The following PABPC4L variants were observed in gnomAD, a reference collection of about 807,000 sequenced individuals.
The protein encoded by PABPC4L is polyadenylate-binding protein 4-like.
For missense variants in PABPC4L, 452 were observed against 451.4 expected, an observed-to-expected ratio of 1.00 and a Z score of -0.01; for synonymous variants, 169 against 164.1, an observed-to-expected ratio of 1.03 and a Z score of -0.23.
chr4:134,079,073 G>C, the PABPC4L span, among the ~76,000 whole-genome samples: 4 of 147,892 alleles, frequency 2.7e-5, no homozygotes, highest in South Asian at 4.4e-4. Flanking sequence ...CTGTGTTCAA[G>C]CGATTCTTCT....
At chr4:134,026,830 T>C in the PABPC4L span, among the ~76,000 whole-genome samples, 1 of 152,046 alleles carries the variant, frequency 6.6e-6, no homozygotes. Context: ...AAAACAGAGG[T>C]CTACGAGCCA....
At chr4:134,085,334 A>G in the PABPC4L span, among the ~76,000 whole-genome samples, 1 of 152,158 alleles carries the variant, frequency 6.6e-6, no homozygotes, top group African/African-American at 2.4e-5. Flanking sequence ...TATATATCAT[A>G]TGTACATGTA....
the PABPC4L span, among the ~76,000 whole-genome samples, chr4:134,187,345 A>G: frequency 6.6e-6 from 1 of 152,040 alleles, no homozygotes; most frequent in African/African-American, 2.4e-5. Context: ...CATATACACC[A>G]TGGAATACTA....
At chr4:134,014,939 T>C in the PABPC4L span, among the ~76,000 whole-genome samples, 1 of 152,062 alleles carries the variant, frequency 6.6e-6, no homozygotes, top group African/African-American at 2.4e-5. Context: ...CTTATTAGGC[T>C]GAGACACTTT....
chr4:134,156,727 A>G, the PABPC4L span, among the ~76,000 whole-genome samples: 2 of 151,850 alleles, frequency 1.3e-5, no homozygotes, highest in Non-Finnish European at 3.0e-5. Context: ...GCATTTGTAT[A>G]GTCTAACTGT....
the PABPC4L span, among the ~76,000 whole-genome samples, chr4:134,018,868 A>T: frequency 6.6e-6 from 1 of 152,122 alleles, no homozygotes; most frequent in Non-Finnish European, 1.5e-5. Flanking sequence ...AAGTAACTCC[A>T]ATTTGATTTC....
At chr4:133,952,645 G>C in the PABPC4L span, among the ~76,000 whole-genome samples, 3 of 152,020 alleles carry the variant, frequency 2.0e-5, no homozygotes, top group African/African-American at 7.2e-5. Flanking sequence ...AGTTCAATTT[G>C]TAAGGGTGTG....
At chr4:133,949,615 TATA>T in the PABPC4L span, among the ~76,000 whole-genome samples, 5 of 152,256 alleles carry the variant, frequency 3.3e-5, no homozygotes, top group East Asian at 9.7e-4. Flanking sequence ...TTGACCCGAG[TATA>T]ATGAGTACAC....
At chr4:133,954,401 T>TA in the PABPC4L span, among the ~76,000 whole-genome samples, 28 of 152,124 alleles carry the variant, frequency 1.8e-4, no homozygotes, top group African/African-American at 6.8e-4. Context: ...CATAGAGAAT[T>TA]AAAACTTGGC....
At chr4:134,151,331 G>A in the PABPC4L span, among the ~76,000 whole-genome samples, 1 of 152,114 alleles carries the variant, frequency 6.6e-6, no homozygotes, top group South Asian at 2.1e-4. Context: ...AGTTGCACAT[G>A]CTAACCATTA....
chr4:134,133,726 C>T, the PABPC4L span, among the ~76,000 whole-genome samples: 3 of 151,706 alleles, frequency 2.0e-5, no homozygotes, highest in African/African-American at 7.3e-5. Context: ...AGACTATACA[C>T]TGGGTACAGG....
the PABPC4L span, among the ~76,000 whole-genome samples, chr4:134,103,132 TA>T: frequency 6.6e-6 from 1 of 151,600 alleles, no homozygotes; most frequent in Non-Finnish European, 1.5e-5. Context: ...GATTAAAATA[TA>T]AATCATGATT....
At chr4:134,105,390 C>T in the PABPC4L span, among the ~76,000 whole-genome samples, 2 of 151,416 alleles carry the variant, frequency 1.3e-5, no homozygotes, top group Non-Finnish European at 3.0e-5. Flanking sequence ...GAAAACTATC[C>T]TAAAATTTAA....
the PABPC4L span, among the ~76,000 whole-genome samples, chr4:134,003,087 C>A: frequency 9.4e-3 from 1,427 of 151,938 alleles, 14 homozygotes; most frequent in Non-Finnish European, 0.015. Flanking sequence ...ATTGTAAAGT[C>A]CTTCAGGCTA....
the PABPC4L span, among the ~76,000 whole-genome samples, chr4:133,954,401 T>A: frequency 6.6e-6 from 1 of 152,124 alleles, no homozygotes; most frequent in African/African-American, 2.4e-5. Context: ...CATAGAGAAT[T>A]AAAACTTGGC....
the PABPC4L span, among the ~76,000 whole-genome samples, chr4:134,055,522 AAT>A: frequency 6.6e-6 from 1 of 151,850 alleles, no homozygotes; most frequent in Non-Finnish European, 1.5e-5. Context: ...GCAATGAAAA[AAT>A]TTTTTTCTAT....
At chr4:133,952,117 TAGA>T in the PABPC4L span, among the ~76,000 whole-genome samples, 43 of 152,250 alleles carry the variant, frequency 2.8e-4, 1 homozygote, top group East Asian at 8.0e-3. Flanking sequence ...CCCCCGAAAT[TAGA>T]AGATTATCCA....
chr4:134,077,794 A>T, the PABPC4L span, among the ~76,000 whole-genome samples: 3 of 152,136 alleles, frequency 2.0e-5, no homozygotes, highest in Non-Finnish European at 4.4e-5. Flanking sequence ...TTAATATAAA[A>T]TCTATTTTCA....
the PABPC4L span, among the ~76,000 whole-genome samples, chr4:134,182,199 C>T: frequency 6.6e-6 from 1 of 151,670 alleles, no homozygotes; most frequent in African/African-American, 2.4e-5. Context: ...TCACATTGCC[C>T]AACTTCAAAC....
Sources: gnomAD v4.1 joint callset for allele counts (sites outside exome capture counted in the v4.1 genomes callset) on GRCh38, gnomAD v4.1.1 for gene constraint, MANE v1.5 for transcripts, NCBI Gene and HGNC (gene_info 2026-07-23, HGNC 2026-07-21) for gene names.